The following RABEP1 variants were observed in gnomAD, a reference collection of about 807,000 sequenced individuals.
RABEP1 encodes the protein rab GTPase-binding effector protein 1.
RABEP1 carries 51 observed loss-of-function variants against 123.4 expected under a neutral mutation model. That is an observed-to-expected ratio of 0.41 (90% CI 0.33 to 0.52). The LOEUF is 0.52. RABEP1 is among the 20% of genes least tolerant of loss of function. The probability of loss-of-function intolerance (pLI) is 0.16; values close to 1 mark genes in which losing one functional copy is unlikely to be tolerated. For missense variants in RABEP1, 888 were observed against 996.3 expected, an observed-to-expected ratio of 0.89 and a Z score of 1.46; for synonymous variants, 347 against 355.2, an observed-to-expected ratio of 0.98 and a Z score of 0.26.
Position 5,290,184 on chromosome 17 carries a change from T to G in RABEP1, c.34+7664T>G, listed in dbSNP as rs951144923. 4.6e-5 allele frequency among the ~76,000 whole-genome samples: 7 copies of G among 152,186 alleles called. No homozygotes were observed. The South Asian group carries it at 1.5e-3, about 32-fold the overall frequency. On this transcript the variant is annotated intron_variant, in intron 1 of 17. Coordinates refer to ENST00000537505, the MANE Select transcript of RABEP1 (RefSeq NM_004703.6). ...CTCACTGCAAGCTCCGCCTCCTGGG[T>G]TCACGCCATTCTCCTGCCTCAGCCT...
intron 7 of RABEP1, among the ~76,000 whole-genome samples, chr17:5,352,188 G>A (rs1391910600): frequency 6.6e-6 from 1 of 151,458 alleles, no homozygotes; most frequent in Non-Finnish European, 1.5e-5. Context: ...CCAACATAAG[G>A]ATTTTTTTTT....
At chr17:5,343,749 C>T (rs951345985) in intron 5 of RABEP1, among the ~76,000 whole-genome samples, 9 of 137,606 alleles carry the variant, frequency 6.5e-5, no homozygotes, top group African/African-American at 2.2e-4. Context: ...GATCTTGGCT[C>T]ACTGCACCCT....
chr17:5,331,363 G>A (rs1289783603), intron 2 of RABEP1, among the ~76,000 whole-genome samples: 1 of 152,154 alleles, frequency 6.6e-6, no homozygotes, highest in Non-Finnish European at 1.5e-5. Context: ...CCTGTATACT[G>A]TTGATAAGTT....
At chr17:5,284,743 G>A (rs762496158) in intron 1 of RABEP1, among the ~76,000 whole-genome samples, 1 of 152,060 alleles carries the variant, frequency 6.6e-6, no homozygotes, top group East Asian at 1.9e-4. Flanking sequence ...TAGGATTGTA[G>A]GTGTGAGCCC....
At position 5,344,283 on chromosome 17, in the gene RABEP1, CA is replaced by C. The variant is rs558503289; in HGVS notation, c.649-2502del. Among the ~76,000 whole-genome samples, 260 of 151,618 alleles carry C rather than the reference CA, an allele frequency of 1.7e-3. 1 individual carries two copies. The highest frequency in any genetic ancestry group is 3.4e-3 in the Middle Eastern group (1 of 294). ...AGAAACCCTGTCTCTACTAAAAATA[CA>C]AAAATTAGCCGGGCATGGTGGTGCA... is the stretch of plus-strand genomic sequence containing the variant. On this transcript the variant is annotated intron_variant, in intron 5 of 17. Coordinates refer to ENST00000537505, the MANE Select transcript of RABEP1 (RefSeq NM_004703.6).
At position 5,367,414 on chromosome 17, in the gene RABEP1, G is replaced by GAC. The variant is rs1910115653; in HGVS notation, c.1786-956_1786-955insAC. On this transcript the variant is annotated intron_variant, in intron 11 of 17. Coordinates refer to ENST00000537505, the MANE Select transcript of RABEP1 (RefSeq NM_004703.6). ...AGCCTCCTGAGTAGCTGGGACTACA[G>GAC]GCACCCGCCACCACGCCCGGCTAAT... is the stretch of plus-strand genomic sequence containing the variant. Among the ~76,000 whole-genome samples the GAC allele has an allele frequency of 1.3e-5, 2 of 151,688 alleles. 1 individual carries two copies. Among genetic ancestry groups the GAC allele is most frequent in the Non-Finnish European group, 2.9e-5 (2 of 67,934 alleles).
At position 5,282,335 on chromosome 17, in the gene RABEP1, T is replaced by G; in HGVS notation, c.-152T>G. 1.9e-6 allele frequency: 1 copy of G among 530,258 alleles called. No homozygotes were observed. The highest frequency in any genetic ancestry group is 2.9e-6 in the Non-Finnish European group (1 of 342,292). The allele number at this position is 530,258 out of a possible 1,614,324, so 32.8% of individuals were successfully genotyped here. On this transcript the variant is annotated 5_prime_UTR_variant, in exon 1 of 18. Coordinates refer to ENST00000537505, the MANE Select transcript of RABEP1 (RefSeq NM_004703.6). Reference sequence around the variant, plus strand: ...GGTCGGGTCCGTCTCTGCCCGCGGCTGTGGCGGCGCCGGCGGATCCAGCCT... The same window carrying G: ...GGTCGGGTCCGTCTCTGCCCGCGGCGGTGGCGGCGCCGGCGGATCCAGCCT...
At chr17:5,291,366 C>T (rs1040682658) in intron 1 of RABEP1, among the ~76,000 whole-genome samples, 6 of 151,992 alleles carry the variant, frequency 3.9e-5, no homozygotes, top group East Asian at 1.9e-4. Flanking sequence ...GAGCCAAGAT[C>T]GTGCCATTGC....
chr17:5,309,810 T>G (rs987144748), intron 2 of RABEP1, among the ~76,000 whole-genome samples: 3 of 152,212 alleles, frequency 2.0e-5, no homozygotes, highest in Non-Finnish European at 4.4e-5. Context: ...AGACCAGTGA[T>G]TCTCAAAGTG....
intron 12 of RABEP1, among the ~76,000 whole-genome samples, chr17:5,369,028 G>T (rs946797165): frequency 6.6e-6 from 1 of 152,136 alleles, no homozygotes; most frequent in African/African-American, 2.4e-5. Context: ...AGAAGCGCTT[G>T]AACCTGGGAG....
At chr17:5,298,544 A>G (rs1328657879) in intron 1 of RABEP1, among the ~76,000 whole-genome samples, 6 of 152,146 alleles carry the variant, frequency 3.9e-5, no homozygotes, top group Admixed American at 1.3e-4. Context: ...TTATATCTTC[A>G]TATGGAGCTT....
chr17:5,288,706 TTTTC>T (rs760204935), intron 1 of RABEP1, among the ~76,000 whole-genome samples: 37 of 151,658 alleles, frequency 2.4e-4, no homozygotes, highest in Non-Finnish European at 4.9e-4. Flanking sequence ...ATTTTATTTC[TTTTC>T]TTTATTTTTT....
chr17:5,357,170 C>G (rs1211562324), intron 8 of RABEP1, among the ~76,000 whole-genome samples: 3 of 152,100 alleles, frequency 2.0e-5, no homozygotes, highest in Non-Finnish European at 4.4e-5. Context: ...GCCACCATGC[C>G]TGGCTCTATT....
chr17:5,293,888 AATT>A (rs573643832), intron 1 of RABEP1, among the ~76,000 whole-genome samples: 92 of 152,176 alleles, frequency 6.0e-4, no homozygotes, highest in African/African-American at 2.2e-3. Context: ...ACATCATTTC[AATT>A]ATTAAGTTGT....
At chr17:5,344,823 G>A (rs1234192489) in intron 5 of RABEP1, among the ~76,000 whole-genome samples, 3 of 150,930 alleles carry the variant, frequency 2.0e-5, no homozygotes, top group Non-Finnish European at 4.4e-5. Context: ...ATAGCTAGGT[G>A]GCGCATGCCT....
rs779073778 is a variant in RABEP1 at position 5,367,577 on chromosome 17, A to G, written c.1786-793A>G. On this transcript the variant is annotated intron_variant, in intron 11 of 17. Coordinates refer to ENST00000537505, the MANE Select transcript of RABEP1 (RefSeq NM_004703.6). ...AGTCACCGTGCCCAGCCAAGGGTAA[A>G]ACTTTTTTTTAAAAAAAGTATGGAT... 1.1e-3 allele frequency among the ~76,000 whole-genome samples: 161 copies of G among 145,980 alleles called. 3 individuals are homozygous for G. Among genetic ancestry groups the G allele is most frequent in the Non-Finnish European group, 1.8e-3 (119 of 66,052 alleles).
intron 14 of RABEP1, 123 bp from the exon 15 acceptor site, chr17:5,378,054 C>A: frequency 5.9e-6 from 4 of 676,356 alleles, no homozygotes; most frequent in South Asian, 4.0e-5. Flanking sequence ...TTTGAGACAG[C>A]CCCCGGAACC....
At chr17:5,289,245 C>CT (rs1433882055) in intron 1 of RABEP1, among the ~76,000 whole-genome samples, 3 of 147,208 alleles carry the variant, frequency 2.0e-5, no homozygotes, top group African/African-American at 7.5e-5. Flanking sequence ...CTGTTTATAT[C>CT]TGTTTCCCAT....
At chr17:5,347,644 C>A (rs1014744908) in intron 6 of RABEP1, among the ~76,000 whole-genome samples, 1 of 152,168 alleles carries the variant, frequency 6.6e-6, no homozygotes, top group Non-Finnish European at 1.5e-5. Flanking sequence ...TTTCACTAGT[C>A]TGGTAGCTCA....
Sources: gnomAD v4.1 joint callset for allele counts (sites outside exome capture counted in the v4.1 genomes callset) on GRCh38, gnomAD v4.1.1 for gene constraint, MANE v1.5 for transcripts, NCBI Gene and HGNC (gene_info 2026-07-23, HGNC 2026-07-21) for gene names.